The following KAZN variants were observed in gnomAD, a reference collection of about 807,000 sequenced individuals.
The protein encoded by KAZN is kazrin, periplakin interacting protein.
KAZN carries 40 observed loss-of-function variants against 87.4 expected under a neutral mutation model. The ratio of observed to expected loss-of-function variants is 0.46; its 90% CI spans 0.36 to 0.60. The LOEUF is 0.60. Ranked by LOEUF, KAZN falls within the 20% of genes least tolerant of loss-of-function variation. The pLI is 0.00. For missense variants in KAZN, 898 were observed against 1,073.9 expected (o/e 0.84, Z 2.29); for synonymous variants, 466 against 458.3 (o/e 1.02, Z -0.22).
chr1:14,422,125 GA>G (rs1303757214), intron 2 of KAZN, among the ~76,000 whole-genome samples: 1 of 152,182 alleles, frequency 6.6e-6, no homozygotes, highest in East Asian at 1.9e-4. Context: ...TGTGAACCAA[GA>G]AGAAAATAGG....
chr1:13,943,720 A>AAT (rs1298906141), intron 1 of KAZN, among the ~76,000 whole-genome samples: 1 of 151,880 alleles, frequency 6.6e-6, no homozygotes, highest in Non-Finnish European at 1.5e-5. Flanking sequence ...TAAAACAAAT[A>AAT]ATATATATAA....
At chr1:14,248,290 T>C (rs1649697392) in intron 2 of KAZN, among the ~76,000 whole-genome samples, 1 of 152,228 alleles carries the variant, frequency 6.6e-6, no homozygotes, top group Non-Finnish European at 1.5e-5. Context: ...GCCCTTCCTG[T>C]CCAGGCTGGC....
At chr1:14,247,975 T>C (rs185176205) in intron 2 of KAZN, among the ~76,000 whole-genome samples, 29 of 152,320 alleles carry the variant, frequency 1.9e-4, no homozygotes, top group Admixed American at 4.6e-4. Flanking sequence ...TAATTAGGCG[T>C]GAACTCTAAC....
In KAZN at chr1:14,335,722, G is replaced by T. The variant is rs146890392; in HGVS notation, c.249+155130G>T. Among the ~76,000 whole-genome samples the T allele has an allele frequency of 3.0e-3, 455 of 152,140 alleles. 1 individual carries two copies. Among genetic ancestry groups the T allele is most frequent in the African/African-American group, 0.01 (426 of 41,488 alleles). ...GTATTTCTTACAGTAAAACAAAACA[G>T]ACTAATATAGGCGTGCATGTGCGCG... is the stretch of plus-strand genomic sequence containing the variant. On this transcript the variant is annotated intron_variant, in intron 2 of 16. Transcript: ENST00000636203.
rs112600895 is a variant in KAZN, at chr1:14,216,528, C to T, written c.249+35936C>T. 3.0e-3 allele frequency among the ~76,000 whole-genome samples: 451 copies of T among 152,264 alleles called. 4 individuals carry two copies. The highest frequency in any genetic ancestry group is 0.01 in the African/African-American group (434 of 41,562). ...AACAAGCTGCTGTATGTTTTGAAAA[C>T]TGCATGAAAACGAAAGGAGAAGGTG... On this transcript the variant is annotated intron_variant, in intron 2 of 16. Coordinates refer to the KAZN transcript ENST00000636203.
rs1357738410 is a variant in KAZN at position 15,021,393 on chromosome 1, T to G, written c.419-13356T>G. Among the ~76,000 whole-genome samples the G allele has an allele frequency of 6.6e-6, 1 of 152,166 alleles. No homozygotes were observed. The highest frequency in any genetic ancestry group is 1.5e-5 in the Non-Finnish European group (1 of 68,022). ...GGGAATGTCCGTGTTCCGGGCCCAT[T>G]CCCTGCCACTATTTTTAGTGGTGAT... On this transcript the variant is annotated intron_variant, in intron 2 of 14. Coordinates refer to ENST00000376030, the MANE Select transcript of KAZN (RefSeq NM_201628.3). The surrounding 1 kb of genome is among the most constrained non-coding windows in gnomAD (Gnocchi z 4.2).
chr1:15,092,211 G>A (rs745955485), intron 8 of KAZN, among the ~76,000 whole-genome samples: 99 of 151,646 alleles, frequency 6.5e-4, no homozygotes, highest in Non-Finnish European at 6.9e-4. Flanking sequence ...CGAGTAGCTG[G>A]GATTACAGGC....
intron 1 of KAZN, among the ~76,000 whole-genome samples, chr1:14,935,526 C>T (rs1466256751): frequency 2.0e-5 from 3 of 152,158 alleles, no homozygotes; most frequent in Admixed American, 6.5e-5. Flanking sequence ...CTGTCCACTC[C>T]GGACCTACAG....
At chr1:15,109,804 T>C (rs1268977407) in intron 13 of KAZN, among the ~76,000 whole-genome samples, 2 of 119,184 alleles carry the variant, frequency 1.7e-5, no homozygotes, top group African/African-American at 2.6e-5. Flanking sequence ...TATGTGTATG[T>C]GTGTGTTGTA....
chr1:14,089,211 T>C (rs1234094966), intron 1 of KAZN, among the ~76,000 whole-genome samples: 1 of 152,044 alleles, frequency 6.6e-6, no homozygotes, highest in Non-Finnish European at 1.5e-5. Flanking sequence ...ATAGTTAGAA[T>C]GTAGATGGGT....
chr1:14,872,474 T>G lies in KAZN; in HGVS notation c.227-88210T>G, dbSNP rs986590621. On this transcript the variant is annotated intron_variant, in intron 1 of 14. Coordinates refer to ENST00000376030, the MANE Select transcript of KAZN (RefSeq NM_201628.3). ...ACAGTGCAGTTTTAGATTATTCAAT[T>G]GGATCATTACAGTTTGCTTTGTAAA... Among the ~76,000 whole-genome samples the G allele has an allele frequency of 4.6e-5, 7 of 152,240 alleles. No individual in the cohort carries two copies. The South Asian group carries it at 6.2e-4, about 14-fold the overall frequency.
intron 1 of KAZN, among the ~76,000 whole-genome samples, chr1:14,791,736 C>T (rs927901281): frequency 6.6e-6 from 1 of 152,246 alleles, no homozygotes; most frequent in African/African-American, 2.4e-5. Flanking sequence ...CATCCTGTTG[C>T]AGAGAGCAGC....
chr1:14,420,700 G>A (rs989569036), intron 2 of KAZN, among the ~76,000 whole-genome samples: 3 of 152,144 alleles, frequency 2.0e-5, no homozygotes, highest in African/African-American at 4.8e-5. Flanking sequence ...CCTGCAGGCC[G>A]TCTCTGCTGG....
chr1:14,289,298 A>G (rs2100740877), intron 2 of KAZN, among the ~76,000 whole-genome samples: 1 of 152,248 alleles, frequency 6.6e-6, no homozygotes, highest in South Asian at 2.1e-4. Context: ...ATCTCTCATT[A>G]TTATTGTGTG....
At chr1:14,060,104 C>A (rs1273322514) in intron 1 of KAZN, among the ~76,000 whole-genome samples, 1 of 150,502 alleles carries the variant, frequency 6.6e-6, no homozygotes, top group African/African-American at 2.5e-5. Flanking sequence ...GTGGTTCACG[C>A]CTGTAATCCA....
chr1:14,639,984 G>A (rs76771171), intron 1 of KAZN, among the ~76,000 whole-genome samples: 2,332 of 152,236 alleles, frequency 0.015, 53 homozygotes, highest in African/African-American at 0.052. Context: ...CGGCATGATG[G>A]TGGCTCAGCA....
chr1:14,981,009 G>A (rs1039517027), intron 2 of KAZN, among the ~76,000 whole-genome samples: 3 of 152,172 alleles, frequency 2.0e-5, no homozygotes, highest in Non-Finnish European at 4.4e-5. Flanking sequence ...TGGCCACTGG[G>A]TCTTCCAGTG....
intron 2 of KAZN, among the ~76,000 whole-genome samples, chr1:14,197,387 TAA>T (rs35290614): frequency 2.2e-3 from 221 of 102,238 alleles, no homozygotes; most frequent in East Asian, 0.01. Flanking sequence ...AAGTAAATGT[TAA>T]AAAAAAAAAA....
At chr1:14,872,744 A>G (rs959613429) in intron 1 of KAZN, among the ~76,000 whole-genome samples, 3 of 152,220 alleles carry the variant, frequency 2.0e-5, no homozygotes, top group African/African-American at 4.8e-5. Context: ...GCATGGATGG[A>G]TGGTTCGATG....
Sources: gnomAD v4.1 joint callset for allele counts (sites outside exome capture counted in the v4.1 genomes callset) on GRCh38, gnomAD v4.1.1 for gene constraint, Gnocchi (gnomAD v3.1) non-coding constraint, MANE v1.5 for transcripts, NCBI Gene and HGNC (gene_info 2026-07-23, HGNC 2026-07-21) for gene names.